The following CLEC20A variants were observed in gnomAD, a reference collection of about 807,000 sequenced individuals.
CLEC20A encodes C-type lectin domain containing 20A.
chr1:178,499,341 G>A (rs941987842), upstream of CLEC20A, among the ~76,000 whole-genome samples: 2 of 152,220 alleles, frequency 1.3e-5, no homozygotes, highest in African/African-American at 2.4e-5. Flanking sequence ...TGGATTGAAG[G>A]ATACAAAGTA....
intron 3 of CLEC20A, 77 bp from the exon 4 acceptor site, chr1:178,490,514 A>C: frequency 2.5e-6 from 1 of 397,990 alleles, no homozygotes; most frequent in Admixed American, 4.4e-5. Context: ...ACCCTTGGGG[A>C]TAGAATTTTG....
chr1:178,494,134 C>T (rs970850525), intron 2 of CLEC20A, among the ~76,000 whole-genome samples: 1 of 152,256 alleles, frequency 6.6e-6, no homozygotes, highest in Non-Finnish European at 1.5e-5. Flanking sequence ...TGGCTCATGC[C>T]TATAATCCCA....
chr1:178,487,735 A>G (rs1421000323), intron 5 of CLEC20A, among the ~76,000 whole-genome samples: 1 of 152,228 alleles, frequency 6.6e-6, no homozygotes, highest in East Asian at 1.9e-4. Flanking sequence ...GGGCTAGCAC[A>G]GGACTCCATC....
intron 6 of CLEC20A, chr1:178,482,609 A>C: frequency 5.3e-6 from 2 of 380,026 alleles, no homozygotes; most frequent in Non-Finnish European, 9.3e-6. Flanking sequence ...GCTTTGGGTA[A>C]TGCGAAGTCT....
At chr1:178,499,580 C>T (rs1236369498), upstream of CLEC20A, 3 of 152,218 alleles carry the variant, frequency 2.0e-5, no homozygotes, top group East Asian at 1.9e-4. Flanking sequence ...CATCGGACTC[C>T]GAGTTCTTCA....
intron 1 of CLEC20A, 26 bp downstream of exon 1, chr1:178,496,874 C>A (rs1286114190): frequency 2.5e-6 from 1 of 398,628 alleles, no homozygotes; most frequent in African/African-American, 2.1e-5. Flanking sequence ...GAGCCAGGCA[C>A]CCTCCTCCAG....
chr1:178,494,119 C>T (rs1649332824), intron 2 of CLEC20A, among the ~76,000 whole-genome samples: 2 of 152,346 alleles, frequency 1.3e-5, no homozygotes, highest in Middle Eastern at 3.4e-3. Context: ...CTGGGCCAGG[C>T]CCAATGGCTC....
chr1:178,488,151 G>A (rs1022925257), intron 5 of CLEC20A, among the ~76,000 whole-genome samples: 5 of 152,158 alleles, frequency 3.3e-5, no homozygotes, highest in African/African-American at 1.2e-4. Flanking sequence ...ACACTGCTCA[G>A]GCATCTTCCC....
At chr1:178,487,975 T>C (rs901467575) in intron 5 of CLEC20A, among the ~76,000 whole-genome samples, 12 of 152,218 alleles carry the variant, frequency 7.9e-5, no homozygotes, top group African/African-American at 2.7e-4. Context: ...TAAAATGCTA[T>C]AGGAATGCTG....
intron 5 of CLEC20A, chr1:178,486,969 C>G: frequency 2.5e-6 from 1 of 396,214 alleles, no homozygotes. Flanking sequence ...GGAGGTCGGG[C>G]TCGCGGGGCT....
chr1:178,485,998 C>G (rs1018135256), intron 5 of CLEC20A, among the ~76,000 whole-genome samples: 3 of 152,108 alleles, frequency 2.0e-5, no homozygotes, highest in African/African-American at 7.2e-5. Context: ...CTGCCAGATG[C>G]CAGGCACTGA....
At chr1:178,495,157 T>G (rs1649356701) in intron 1 of CLEC20A, among the ~76,000 whole-genome samples, 1 of 152,242 alleles carries the variant, frequency 6.6e-6, no homozygotes, top group Non-Finnish European at 1.5e-5. Context: ...TGCACCTTTG[T>G]TAGTGCTTGA....
intron 5 of CLEC20A, chr1:178,484,332 A>G (rs1379820027): frequency 1.3e-5 from 2 of 152,180 alleles, no homozygotes; most frequent in South Asian, 2.1e-4. Flanking sequence ...TTTTTCCCAC[A>G]TTCTCAGCAT....
chr1:178,487,081 G>A (rs1303565469), intron 5 of CLEC20A, among the ~76,000 whole-genome samples: 3 of 152,322 alleles, frequency 2.0e-5, no homozygotes, highest in South Asian at 4.1e-4. Context: ...GACTTCTGTG[G>A]GGTCCGCTGC....
At chr1:178,484,207 C>T (rs1364898877) in intron 5 of CLEC20A, 1 of 152,150 alleles carries the variant, frequency 6.6e-6, no homozygotes, top group Non-Finnish European at 1.5e-5. Flanking sequence ...TTTCCTTAAT[C>T]AATTTCTAAG....
upstream of CLEC20A, among the ~76,000 whole-genome samples, chr1:178,497,550 A>C (rs1460625173): frequency 2.0e-5 from 3 of 152,192 alleles, no homozygotes; most frequent in East Asian, 3.9e-4. Flanking sequence ...CACTCAGTCT[A>C]TTCACATTAG....
chr1:178,481,958 A>G (rs916201307), intron 7 of CLEC20A: 2 of 187,740 alleles, frequency 1.1e-5, no homozygotes, highest in African/African-American at 4.6e-5. Flanking sequence ...TTATTTCAGG[A>G]GGAAACTGAG....
chr1:178,494,736 G>C (rs1649345370), exon 2 of CLEC20A: 1 of 399,150 alleles, frequency 2.5e-6, no homozygotes, highest in African/African-American at 2.1e-5. Context: ...AGCCGGCAGT[G>C]CTGCTGGGCG....
At chr1:178,482,340 T>C (rs1312349193) in exon 7 of CLEC20A, 1 of 398,504 alleles carries the variant, frequency 2.5e-6, no homozygotes, top group Non-Finnish European at 4.4e-6. Flanking sequence ...TTTCATCTCT[T>C]CTGGGTCCAT....
Sources: allele counts gnomAD v4.1 joint callset (sites outside exome capture counted in the v4.1 genomes callset), GRCh38; gene constraint gnomAD v4.1.1; transcripts MANE v1.5; gene names NCBI Gene and HGNC (gene_info 2026-07-23, HGNC 2026-07-21).